Variants in TMEM131L observed in about 807,000 individuals in gnomAD.
TMEM131L encodes the protein transmembrane 131 like, also known as transmembrane protein 131-like.
Under a neutral mutation model 192.2 loss-of-function variants are expected in TMEM131L, and 54 were observed. That is an observed-to-expected ratio of 0.28 (90% CI 0.23 to 0.35). The LOEUF (loss-of-function observed/expected upper bound fraction) is 0.35. Ranked by LOEUF, TMEM131L falls within the 10% of genes least tolerant of loss-of-function variation. The pLI, the probability that TMEM131L is intolerant of heterozygous loss-of-function variation, is 1.00. For synonymous variants in TMEM131L, 701 were observed against 704.9 expected (o/e 0.99, Z 0.09); for missense variants, 1,888 against 1,972.9 (o/e 0.96, Z 0.82).
At chr4:153,487,492 A>G (rs1271268815) in intron 3 of TMEM131L, among the ~76,000 whole-genome samples, 1 of 152,140 alleles carries the variant, frequency 6.6e-6, no homozygotes, top group East Asian at 1.9e-4. Flanking sequence ...GGGTTAGGCC[A>G]TTGCAGGTCA....
intron 29 of TMEM131L, among the ~76,000 whole-genome samples, chr4:153,624,103 A>AG (rs1423274530): frequency 2.3e-4 from 28 of 123,298 alleles, no homozygotes; most frequent in African/African-American, 7.4e-4. Context: ...CTTTTCACTC[A>AG]GTTTTTTTTT....
At chr4:153,597,258 TTC>T (rs1438586117) in intron 20 of TMEM131L, among the ~76,000 whole-genome samples, 2 of 147,310 alleles carry the variant, frequency 1.4e-5, no homozygotes, top group Non-Finnish European at 3.0e-5. Context: ...ATTAATTTTT[TTC>T]TTTTTTTAAT....
chr4:153,469,896 A>G (rs1401830348), intron 2 of TMEM131L, among the ~76,000 whole-genome samples: 3 of 152,130 alleles, frequency 2.0e-5, no homozygotes, highest in African/African-American at 7.2e-5. Flanking sequence ...GAAGCACTCC[A>G]GCCTGGGCAA....
intron 3 of TMEM131L, among the ~76,000 whole-genome samples, chr4:153,536,424 T>G (rs1736331635): frequency 6.6e-6 from 1 of 152,218 alleles, no homozygotes; most frequent in South Asian, 2.1e-4. Context: ...TTCCCTGAGC[T>G]GAATTGAAAG....
chr4:153,565,566 A>C (rs572460890), intron 7 of TMEM131L, among the ~76,000 whole-genome samples: 1 of 152,302 alleles, frequency 6.6e-6, no homozygotes, highest in Non-Finnish European at 1.5e-5. Context: ...GTATGCTTTA[A>C]ATTTTTCCCA....
At chr4:153,591,653 G>T (rs957821545) in intron 17 of TMEM131L, among the ~76,000 whole-genome samples, 37 of 152,246 alleles carry the variant, frequency 2.4e-4, no homozygotes, top group African/African-American at 8.9e-4. Flanking sequence ...GGAAGGACGT[G>T]CCTCCAGCAG....
intron 25 of TMEM131L, among the ~76,000 whole-genome samples, chr4:153,607,427 C>T (rs547210278): frequency 2.5e-4 from 38 of 152,166 alleles, no homozygotes; most frequent in Admixed American, 6.5e-4. Context: ...GAGCTGGACT[C>T]AACCTGCCTG....
At chr4:153,563,865 C>T (rs764734186) in intron 7 of TMEM131L, among the ~76,000 whole-genome samples, 7 of 152,126 alleles carry the variant, frequency 4.6e-5, no homozygotes, top group Non-Finnish European at 8.8e-5. Context: ...GATATGCATT[C>T]AGTTTTTCTT....
intron 7 of TMEM131L, among the ~76,000 whole-genome samples, chr4:153,569,095 A>G (rs77139522): frequency 4.7e-4 from 71 of 152,332 alleles, no homozygotes; most frequent in African/African-American, 1.5e-3. Context: ...TTGCCCACCA[A>G]TTAGGTAATT....
chr4:153,611,324 A>G (rs1459802763), intron 25 of TMEM131L, among the ~76,000 whole-genome samples: 1 of 152,234 alleles, frequency 6.6e-6, no homozygotes, highest in African/African-American at 2.4e-5. Context: ...TGTTCATTTT[A>G]TAAATAAGAA....
intron 3 of TMEM131L, among the ~76,000 whole-genome samples, chr4:153,526,684 G>GC (rs1183605768): frequency 3.3e-5 from 5 of 151,620 alleles, no homozygotes; most frequent in African/African-American, 1.2e-4. Context: ...CTTGCAGTGA[G>GC]CGAGATCACG....
chr4:153,511,769 A>G (rs1734376179), intron 3 of TMEM131L, among the ~76,000 whole-genome samples: 1 of 152,214 alleles, frequency 6.6e-6, no homozygotes, highest in Non-Finnish European at 1.5e-5. Context: ...GTAATAAGTA[A>G]TAGTCTTCTA....
chr4:153,633,483 C>A (rs1467932493), intron 32 of TMEM131L: 1 of 151,582 alleles, frequency 6.6e-6, no homozygotes, highest in Non-Finnish European at 1.5e-5. Flanking sequence ...CCTGCCTTGA[C>A]CTCCCGAAGT....
chr4:153,498,536 G>GGT (rs1733354780), intron 3 of TMEM131L, among the ~76,000 whole-genome samples: 2 of 152,136 alleles, frequency 1.3e-5, no homozygotes, highest in East Asian at 3.9e-4. Context: ...AGAGCGTGTG[G>GGT]GTGTGTGTGT....
chr4:153,603,706 T>TA lies in TMEM131L; in HGVS notation c.2790-95dup, dbSNP rs1469835451. On this transcript the variant is annotated intron_variant, in intron 24 of 34. Transcript: ENST00000409959. ...AAGGGAAGGTAAAACTTACACTCAG[T>TA]ACTGATTGCTACCCTTTTCTCATGG... is the stretch of plus-strand genomic sequence containing the variant. 13 of 1,335,392 alleles carry TA rather than the reference T, an allele frequency of 9.7e-6. No individual in the cohort carries two copies. In the Admixed American group the frequency reaches 3.0e-4, roughly 31 times the overall value. The allele number at this position is 1,335,392 out of a possible 1,614,324, so 82.7% of individuals were successfully genotyped here.
intron 14 of TMEM131L, among the ~76,000 whole-genome samples, chr4:153,586,666 A>C (rs1375953857): frequency 1.3e-5 from 2 of 152,332 alleles, no homozygotes; most frequent in Middle Eastern, 3.4e-3. Context: ...AAATTTGTAG[A>C]GCAACCAGTA....
rs529614036 is a variant in TMEM131L at position 153,484,494 on chromosome 4, A to G, written c.239+10606A>G. 8.6e-5 allele frequency among the ~76,000 whole-genome samples: 13 copies of G among 150,598 alleles called. No homozygotes were observed. The East Asian group carries it at 2.4e-3, about 27-fold the overall frequency. On this transcript the variant is annotated intron_variant, in intron 3 of 34. Transcript: ENST00000409959. ...TATTTTTATTTTTTTTTTGAGACAG[A>G]GTCTCGCTCTGCCACCCAGGCTGGA...
At chr4:153,554,680 A>T (rs1006388430) in intron 4 of TMEM131L, among the ~76,000 whole-genome samples, 1 of 152,244 alleles carries the variant, frequency 6.6e-6, no homozygotes, top group African/African-American at 2.4e-5. Context: ...TTTCTAGGCC[A>T]TCCGAATGAC....
rs36023829 is a variant in TMEM131L at position 153,603,986 on chromosome 4, A to G, written c.2974A>G (p.Thr992Ala). 52,629 of 1,614,040 alleles carry G rather than the reference A, an allele frequency of 0.033. 1,382 individuals are homozygous for G. The highest frequency in any genetic ancestry group is 0.13 in the Admixed American group (7,711 of 59,968). ...GTATTACAGTAAACACAAAACCAGC[A>G]CAGCTGCGGCCAGCAGCACCAGCAC... Reference protein sequence around the residue: ...SVYYSKHKTSTAAASSTSTTT... With the variant: ...SVYYSKHKTSAAAASSTSTTT... Residue 992 changes from threonine (T) to alanine (A), a missense_variant, in exon 25 of 35, where the codon ACA becomes GCA. Thr to Ala is a moderately conservative substitution (Grantham distance 58). Transcript: ENST00000409959.
Sources: allele counts gnomAD v4.1 joint callset (sites outside exome capture counted in the v4.1 genomes callset), GRCh38; gene constraint gnomAD v4.1.1; transcripts MANE v1.5; gene names NCBI Gene and HGNC (gene_info 2026-07-23, HGNC 2026-07-21).